The following CSMD1 variants were observed in gnomAD, a reference collection of about 807,000 sequenced individuals.
CSMD1 encodes CUB and sushi domain-containing protein 1.
In CSMD1, 213 loss-of-function variants were observed where a neutral mutation model predicts 417.5. That is an observed-to-expected ratio of 0.51 (90% confidence interval 0.46 to 0.57). The LOEUF is 0.57. CSMD1 is among the 20% of genes least tolerant of loss of function. The pLI, the probability that CSMD1 is intolerant of heterozygous loss-of-function variation, is 0.00. For synonymous variants in CSMD1, 2,862 were observed against 1,736.8 expected, an observed-to-expected ratio of 1.65 and a Z score of -16.11; for missense variants, 6,923 against 4,529.7, an observed-to-expected ratio of 1.53 and a Z score of -15.17.
At chr8:4,420,309 A>T (rs74495645) in intron 2 of CSMD1, among the ~76,000 whole-genome samples, 1 of 152,110 alleles carries the variant, frequency 6.6e-6, no homozygotes, top group African/African-American at 2.4e-5. Flanking sequence ...ACTTACTTAT[A>T]TAATATGCCA....
intron 24 of CSMD1, 47 bp downstream of exon 24, chr8:3,308,265 C>A: frequency 6.7e-7 from 1 of 1,486,354 alleles, no homozygotes; most frequent in Non-Finnish European, 9.3e-7. Context: ...GTGCAAGCAC[C>A]CTAAGGCCTG....
chr8:4,244,947 CAA>C (rs1046375605), intron 3 of CSMD1, among the ~76,000 whole-genome samples: 1 of 152,038 alleles, frequency 6.6e-6, no homozygotes, highest in African/African-American at 2.4e-5. Context: ...TGCTTGAAAA[CAA>C]ATAAACTTTA....
At chr8:4,469,668 G>A (rs1216634912) in intron 2 of CSMD1, among the ~76,000 whole-genome samples, 1 of 152,078 alleles carries the variant, frequency 6.6e-6, no homozygotes, top group Non-Finnish European at 1.5e-5. Flanking sequence ...TCTGGAAACA[G>A]GCCCAGGGAA....
intron 18 of CSMD1, among the ~76,000 whole-genome samples, chr8:3,380,677 G>A (rs1474738992): frequency 6.6e-6 from 1 of 152,098 alleles, no homozygotes; most frequent in Admixed American, 6.6e-5. Context: ...CTCATAAGAG[G>A]GAGCTGAACA....
At chr8:4,199,830 C>G (rs1013213134) in intron 3 of CSMD1, among the ~76,000 whole-genome samples, 2 of 152,084 alleles carry the variant, frequency 1.3e-5, no homozygotes, top group African/African-American at 2.4e-5. Flanking sequence ...CACTAGATAA[C>G]AGCAGCAACA....
chr8:4,598,778 T>G (rs966593941), intron 2 of CSMD1, among the ~76,000 whole-genome samples: 5 of 152,112 alleles, frequency 3.3e-5, no homozygotes, highest in African/African-American at 1.2e-4. Flanking sequence ...GGTGGAAAAT[T>G]TTTTTCAATC....
intron 25 of CSMD1, among the ~76,000 whole-genome samples, chr8:3,290,910 C>T (rs1803509069): frequency 1.3e-5 from 2 of 152,094 alleles, no homozygotes; most frequent in South Asian, 4.1e-4. Flanking sequence ...TGCCTGTTTT[C>T]AAAGGGAATG....
chr8:3,804,346 A>C (rs1187903981), intron 5 of CSMD1, among the ~76,000 whole-genome samples: 7 of 152,208 alleles, frequency 4.6e-5, no homozygotes, highest in Non-Finnish European at 8.8e-5. Context: ...GTCTTAAAAG[A>C]AGCAGTATCA....
chr8:4,314,357 AT>A (rs1284370833), intron 3 of CSMD1, among the ~76,000 whole-genome samples: 3 of 152,196 alleles, frequency 2.0e-5, no homozygotes, highest in African/African-American at 7.2e-5. Flanking sequence ...GCCATAGAAC[AT>A]TTCCTACATA....
intron 2 of CSMD1, among the ~76,000 whole-genome samples, chr8:4,618,791 C>T (rs1585339943): frequency 1.3e-5 from 2 of 152,156 alleles, no homozygotes; most frequent in East Asian, 3.8e-4. Flanking sequence ...CAAAACATTT[C>T]TGACTTCACT....
At chr8:4,140,793 G>C (rs1585404005) in intron 3 of CSMD1, among the ~76,000 whole-genome samples, 1 of 151,040 alleles carries the variant, frequency 6.6e-6, no homozygotes, top group East Asian at 1.9e-4. Context: ...GGGTGGTTTT[G>C]ATTTTCTAAG....
intron 30 of CSMD1, among the ~76,000 whole-genome samples, chr8:3,212,724 C>T (rs2116805973): frequency 6.6e-6 from 1 of 152,112 alleles, no homozygotes; most frequent in East Asian, 1.9e-4. Flanking sequence ...TAAAAGGTTT[C>T]AGGATCATAA....
intron 3 of CSMD1, among the ~76,000 whole-genome samples, chr8:4,047,087 C>G (rs143797137): frequency 6.6e-6 from 1 of 152,224 alleles, no homozygotes; most frequent in African/African-American, 2.4e-5. Flanking sequence ...TAAAAATGGT[C>G]TCTATGGCAT....
intron 4 of CSMD1, among the ~76,000 whole-genome samples, chr8:4,012,024 AG>A (rs67111320): frequency 0.2 from 31,111 of 152,048 alleles, 4,008 homozygotes; most frequent in Non-Finnish European, 0.27. Flanking sequence ...AATAATGACA[AG>A]GAAAAAAAAA....
At chr8:3,095,836 T>C (rs951026014) in intron 47 of CSMD1, among the ~76,000 whole-genome samples, 9 of 152,170 alleles carry the variant, frequency 5.9e-5, no homozygotes, top group Admixed American at 2.0e-4. Context: ...TTCAACCACA[T>C]ATTACTTTTA....
intron 47 of CSMD1, among the ~76,000 whole-genome samples, chr8:3,093,047 T>C (rs1343125392): frequency 2.0e-5 from 3 of 152,222 alleles, no homozygotes; most frequent in Non-Finnish European, 4.4e-5. Flanking sequence ...CATGATTTTT[T>C]TCAAGTAAGA....
intron 5 of CSMD1, among the ~76,000 whole-genome samples, chr8:3,947,124 T>C (rs932566405): frequency 2.6e-5 from 4 of 152,214 alleles, no homozygotes; most frequent in Non-Finnish European, 5.9e-5. Flanking sequence ...AGGAATTGAT[T>C]CAGTCTTTCA....
chr8:4,866,106 A>G (rs1001107137), intron 1 of CSMD1, among the ~76,000 whole-genome samples: 1 of 151,968 alleles, frequency 6.6e-6, no homozygotes, highest in African/African-American at 2.4e-5. Context: ...ATCCAACTGC[A>G]CTACTAATTC....
chr8:4,380,973 T>C (rs913469808), intron 3 of CSMD1, among the ~76,000 whole-genome samples: 13 of 152,070 alleles, frequency 8.5e-5, no homozygotes, highest in African/African-American at 3.1e-4. Flanking sequence ...CATTTCCCAT[T>C]TGGGAAAAGA....
Sources: gnomAD v4.1 joint callset for allele counts (sites outside exome capture counted in the v4.1 genomes callset) on GRCh38, gnomAD v4.1.1 for gene constraint, MANE v1.5 for transcripts, NCBI Gene and HGNC (gene_info 2026-07-23, HGNC 2026-07-21) for gene names.